Variants in DNM3 observed in about 807,000 individuals in gnomAD.
DNM3 encodes dynamin-3.
DNM3 carries 47 observed loss-of-function variants against 101.6 expected under a neutral mutation model. That is an observed-to-expected ratio of 0.46 (90% CI 0.37 to 0.59). DNM3 has a LOEUF of 0.59. Among genes scored for constraint, DNM3 ranks in the 20% least tolerant of loss-of-function variants. DNM3 has a pLI of 0.00. For synonymous variants in DNM3, 385 were observed against 387.9 expected (o/e 0.99, Z 0.09); for missense variants, 849 against 1,085.7 (o/e 0.78, Z 3.06).
At chr1:172,232,453 C>A (rs1573047258) in intron 14 of DNM3, among the ~76,000 whole-genome samples, 1 of 152,090 alleles carries the variant, frequency 6.6e-6, no homozygotes, top group Non-Finnish European at 1.5e-5. Flanking sequence ...ACTTTAACAC[C>A]CCACTGTCAA....
At chr1:172,254,442 T>C (rs767520431) in intron 15 of DNM3, among the ~76,000 whole-genome samples, 2 of 152,164 alleles carry the variant, frequency 1.3e-5, no homozygotes, top group Non-Finnish European at 2.9e-5. Context: ...AAATGTATAG[T>C]ATTTTACAGT....
intron 12 of DNM3, among the ~76,000 whole-genome samples, chr1:172,087,582 A>C (rs2053618970): frequency 6.6e-6 from 1 of 152,124 alleles, no homozygotes; most frequent in African/African-American, 2.4e-5. Context: ...GGCACCTCCC[A>C]GTCCTATTCT....
At chr1:172,343,460 C>G (rs144432172) in intron 17 of DNM3, among the ~76,000 whole-genome samples, 1 of 152,022 alleles carries the variant, frequency 6.6e-6, no homozygotes, top group Non-Finnish European at 1.5e-5. Context: ...TAAATTGATG[C>G]AGGCCGATAA....
At chr1:172,015,970 G>A (rs949589547) in intron 4 of DNM3, among the ~76,000 whole-genome samples, 1 of 151,508 alleles carries the variant, frequency 6.6e-6, no homozygotes, top group East Asian at 1.9e-4. Flanking sequence ...GAGGTCAGGA[G>A]TTTGAGAGCA....
At position 172,099,779 on chromosome 1, in the gene DNM3, T is replaced by C. The variant is rs565881863; in HGVS notation, c.1545+6904T>C. Reference sequence around the variant, plus strand: ...CATGCCACCTGAAAGTCAGAGATGTTATTGGAGTAAGAGATAACAGACACT... The same window carrying C: ...CATGCCACCTGAAAGTCAGAGATGTCATTGGAGTAAGAGATAACAGACACT... On this transcript the variant is annotated intron_variant, in intron 13 of 20. Transcript: ENST00000627582. Among the ~76,000 whole-genome samples the C allele has an allele frequency of 2.0e-5, 3 of 152,270 alleles. No individual in the cohort carries two copies. The South Asian group carries it at 6.2e-4, about 32-fold the overall frequency.
At chr1:172,002,977 T>C (rs1197614448) in intron 4 of DNM3, among the ~76,000 whole-genome samples, 7 of 151,952 alleles carry the variant, frequency 4.6e-5, no homozygotes, top group African/African-American at 1.2e-4. Flanking sequence ...GTTAAAAATT[T>C]CCCTGATGCT....
intron 2 of DNM3, among the ~76,000 whole-genome samples, chr1:171,934,080 A>C (rs966185575): frequency 1.3e-5 from 2 of 152,248 alleles, no homozygotes; most frequent in East Asian, 1.9e-4. Flanking sequence ...ACTTCAGAAC[A>C]ATGCCTTTCT....
intron 2 of DNM3, among the ~76,000 whole-genome samples, chr1:171,935,938 T>C (rs889139743): frequency 1.3e-5 from 2 of 152,002 alleles, no homozygotes; most frequent in Non-Finnish European, 2.9e-5. Flanking sequence ...GATGAACTCC[T>C]GAGCACATTT....
intron 4 of DNM3, among the ~76,000 whole-genome samples, chr1:172,003,021 G>A (rs2046448886): frequency 6.6e-6 from 1 of 151,898 alleles, no homozygotes; most frequent in Non-Finnish European, 1.5e-5. Context: ...ATTTAATGTA[G>A]AAAAGAAACA....
In DNM3 at chr1:172,133,085, G is replaced by A. The variant is rs183964322; in HGVS notation, c.1659+1797G>A. On this transcript the variant is annotated intron_variant, in intron 14 of 20. Coordinates refer to ENST00000627582, the MANE Select transcript of DNM3 (RefSeq NM_015569.5). ...GAGGACTTATGAAGATGAATTCCAG[G>A]CATCTCAGCATTGACATGTTCCTGG... 3.1e-5 allele frequency: 45 copies of A among 1,439,510 alleles called. No individual in the cohort carries two copies. In the South Asian group the frequency reaches 4.5e-4, roughly 15 times the overall value. The allele number at this position is 1,439,510 out of a possible 1,614,324, so 89.2% of individuals were successfully genotyped here.
chr1:172,390,789 G>A (rs2069481132), intron 20 of DNM3, among the ~76,000 whole-genome samples: 1 of 152,208 alleles, frequency 6.6e-6, no homozygotes, highest in East Asian at 1.9e-4. Context: ...GGAAGAGGAA[G>A]AGTTGAGAGT....
intron 15 of DNM3, among the ~76,000 whole-genome samples, chr1:172,302,190 C>A (rs1378731636): frequency 6.6e-6 from 1 of 152,228 alleles, no homozygotes. Flanking sequence ...TTCCAATGGT[C>A]TTAGCAAATG....
Position 172,412,431 on chromosome 1 carries a change from T to C in DNM3, c.*4590T>C. ...TTTGTTTTGCTTGCTTGTCTATTTTTACTTTCCCTTTTTTGGGTCAAATTT... is the reference window on the plus strand; with the variant it reads ...TTTGTTTTGCTTGCTTGTCTATTTTCACTTTCCCTTTTTTGGGTCAAATTT... On this transcript the variant is annotated 3_prime_UTR_variant, in exon 21 of 21. Transcript: ENST00000627582. 2.0e-6 allele frequency: 2 copies of C among 985,856 alleles called. No homozygotes were observed. The highest frequency in any genetic ancestry group is 1.2e-6 in the Non-Finnish European group (1 of 829,924). 61.1% of individuals were successfully genotyped at this position (985,856 alleles called of 1,614,324 possible).
chr1:172,383,750 G>A (rs558486502), intron 18 of DNM3, among the ~76,000 whole-genome samples: 79 of 152,272 alleles, frequency 5.2e-4, no homozygotes, highest in Middle Eastern at 3.4e-3. Context: ...AGGAAAACAT[G>A]TGGAACATTT....
At chr1:172,058,604 A>T (rs950210827) in intron 10 of DNM3, among the ~76,000 whole-genome samples, 9 of 152,246 alleles carry the variant, frequency 5.9e-5, no homozygotes, top group African/African-American at 2.2e-4. Context: ...TACTGGGTAC[A>T]TAACGAAATG....
At chr1:172,254,852 T>A (rs1992551) in intron 15 of DNM3, among the ~76,000 whole-genome samples, 58,674 of 151,982 alleles carry the variant, frequency 0.39, 12,892 homozygotes, top group Non-Finnish European at 0.47. Flanking sequence ...TTTTTCCAAA[T>A]GAAAATGTTA....
chr1:172,241,138 T>G (rs1240603706), intron 14 of DNM3, among the ~76,000 whole-genome samples: 1 of 152,056 alleles, frequency 6.6e-6, no homozygotes, highest in Non-Finnish European at 1.5e-5. Flanking sequence ...TTTAGTTTCT[T>G]GCAAAGTTGC....
chr1:172,231,132 G>A (rs572232085), intron 14 of DNM3, among the ~76,000 whole-genome samples: 1 of 151,722 alleles, frequency 6.6e-6, no homozygotes, highest in African/African-American at 2.4e-5. Context: ...CTACCCTACT[G>A]GGGGGTGCCT....
chr1:172,164,603 A>G (rs1395559937), intron 14 of DNM3, among the ~76,000 whole-genome samples: 1 of 151,750 alleles, frequency 6.6e-6, no homozygotes, highest in African/African-American at 2.4e-5. Flanking sequence ...GTTCATACCC[A>G]AGTTTTTGCG....
Sources: allele counts gnomAD v4.1 joint callset (sites outside exome capture counted in the v4.1 genomes callset), GRCh38; gene constraint gnomAD v4.1.1; transcripts MANE v1.5; gene names NCBI Gene and HGNC (gene_info 2026-07-23, HGNC 2026-07-21).